Variants in ARHGAP8 observed in about 807,000 individuals in gnomAD.
The protein encoded by ARHGAP8 is Rho GTPase activating protein 8.
Under a neutral mutation model 46.1 loss-of-function variants are expected in ARHGAP8, and 62 were observed. That is an observed-to-expected ratio of 1.34 (90% CI 1.10 to 1.66). ARHGAP8 has a LOEUF of 1.66. Among genes scored for constraint, ARHGAP8 ranks in the 40% most tolerant of loss-of-function variants. The pLI is 0.00. For missense variants in ARHGAP8, 923 were observed against 568.4 expected (o/e 1.62, Z -6.34); for synonymous variants, 375 against 243.1 (o/e 1.54, Z -5.05).
At chr22:44,860,279 AG>A (rs1178138136) in intron 11 of ARHGAP8, among the ~76,000 whole-genome samples, 4 of 152,222 alleles carry the variant, frequency 2.6e-5, no homozygotes, top group Non-Finnish European at 1.5e-5. Flanking sequence ...GCCTTAAAAC[AG>A]ATTTACTGTG....
chr22:44,795,761 GTC>G (rs1928038458), intron 2 of ARHGAP8, among the ~76,000 whole-genome samples: 1 of 152,138 alleles, frequency 6.6e-6, no homozygotes, highest in Non-Finnish European at 1.5e-5. Flanking sequence ...TGGACACCAG[GTC>G]TGAGCCATGT....
intron 10 of ARHGAP8, among the ~76,000 whole-genome samples, chr22:44,854,708 A>T (rs943163167): frequency 6.6e-6 from 1 of 152,106 alleles, no homozygotes; most frequent in Non-Finnish European, 1.5e-5. Context: ...GCACCATCTC[A>T]GCTCACTGCA....
At chr22:44,852,992 C>T (rs978861137) in intron 10 of ARHGAP8, among the ~76,000 whole-genome samples, 4 of 152,100 alleles carry the variant, frequency 2.6e-5, no homozygotes, top group African/African-American at 7.2e-5. Context: ...TTAGTAGAGA[C>T]AGCATTTCAC....
intron 7 of ARHGAP8, among the ~76,000 whole-genome samples, chr22:44,834,187 TC>T (rs1219140962): frequency 6.6e-6 from 1 of 152,112 alleles, no homozygotes; most frequent in Non-Finnish European, 1.5e-5. Context: ...TCTGCCTGTG[TC>T]AGATTTAGTT....
Position 44,808,374 on chromosome 22 carries a change from C to A in ARHGAP8, c.235C>A (p.Leu79Met). The A allele has an allele frequency of 6.2e-7, 1 of 1,614,246 alleles. No homozygotes were observed. Among genetic ancestry groups the A allele is most frequent in the Non-Finnish European group, 8.5e-7 (1 of 1,180,052 alleles). Residue 79 changes from leucine to methionine, a missense_variant, in exon 4 of 12, where the codon CTG (leucine) becomes ATG (methionine). By Grantham distance (15) the Leu-to-Met change is conservative. Coordinates refer to ENST00000356099, the MANE Select transcript of ARHGAP8 (RefSeq NM_181335.3). Reference sequence around the variant, plus strand: ...TACCATCGTCTATTTCCACTACGGGCTGAACAGCCGGAACAAGCCTTCCCT... The same window carrying A: ...TACCATCGTCTATTTCCACTACGGGATGAACAGCCGGAACAAGCCTTCCCT... ...DYTIVYFHYGLNSRNKPSLGW... is the reference protein window; with the variant it reads ...DYTIVYFHYGMNSRNKPSLGW...
At chr22:44,808,697 C>T in intron 4 of ARHGAP8, 1 of 645,988 alleles carries the variant, frequency 1.5e-6, no homozygotes, top group Non-Finnish European at 2.7e-6. Context: ...GCCACCATGG[C>T]TCACACCTGT....
At chr22:44,762,956 C>T (rs141842182) in intron 1 of ARHGAP8, among the ~76,000 whole-genome samples, 6 of 152,258 alleles carry the variant, frequency 3.9e-5, no homozygotes, top group Non-Finnish European at 5.9e-5. Context: ...CATGAGATTA[C>T]AAGTTGGAGC....
At chr22:44,805,358 CAG>C (rs796203059) in intron 3 of ARHGAP8, among the ~76,000 whole-genome samples, 14 of 152,282 alleles carry the variant, frequency 9.2e-5, no homozygotes, top group African/African-American at 3.1e-4. Context: ...GGGGTGATAA[CAG>C]TGTTTCAGAG....
At chr22:44,806,641 C>T (rs1033000987) in intron 3 of ARHGAP8, among the ~76,000 whole-genome samples, 2 of 152,044 alleles carry the variant, frequency 1.3e-5, no homozygotes, top group African/African-American at 4.8e-5. Context: ...TGTCAGAGGG[C>T]ACTCTGACAT....
At chr22:44,845,415 A>G (rs2069930010) in intron 8 of ARHGAP8, 73 bp downstream of exon 8, 2 of 1,601,048 alleles carry the variant, frequency 1.2e-6, no homozygotes, top group Admixed American at 1.7e-5. Flanking sequence ...TTTGTCTTGG[A>G]TCCTGAGCAC....
chr22:44,822,477 C>T lies in ARHGAP8; in HGVS notation c.485+8C>T, dbSNP rs546767187. The T allele has an allele frequency of 2.6e-6, 4 of 1,534,756 alleles. No homozygotes were observed. Among genetic ancestry groups the T allele is most frequent in the South Asian group, 2.6e-5 (2 of 77,064 alleles). ...CCCTCCCGAAGTTTTGCGGTAAGTG[C>T]CTGTTAGACCCCAGAAGCCGCATCA... On this transcript the variant is annotated splice_region_variant and intron_variant, in intron 6 of 11. Transcript: ENST00000356099.
At chr22:44,805,790 C>T (rs573983420) in intron 3 of ARHGAP8, among the ~76,000 whole-genome samples, 129 of 152,246 alleles carry the variant, frequency 8.5e-4, no homozygotes, top group Non-Finnish European at 1.5e-3. Flanking sequence ...ATTAACACCC[C>T]GTACATTATC....
At chr22:44,832,016 G>A (rs1355010787) in intron 7 of ARHGAP8, among the ~76,000 whole-genome samples, 1 of 151,896 alleles carries the variant, frequency 6.6e-6, no homozygotes, top group East Asian at 1.9e-4. Context: ...ATTTCAATAG[G>A]GCTTGTCCTG....
intron 1 of ARHGAP8, among the ~76,000 whole-genome samples, chr22:44,768,894 G>T (rs1925799428): frequency 6.6e-6 from 1 of 151,316 alleles, no homozygotes; most frequent in Non-Finnish European, 1.5e-5. Context: ...GAGTGCAATG[G>T]CGCGATCTCG....
intron 7 of ARHGAP8, among the ~76,000 whole-genome samples, chr22:44,843,904 G>A (rs1234623125): frequency 6.6e-6 from 1 of 150,904 alleles, no homozygotes; most frequent in Non-Finnish European, 1.5e-5. Context: ...GAAATAGACT[G>A]TATTACATTA....
intron 10 of ARHGAP8, among the ~76,000 whole-genome samples, chr22:44,851,243 G>A (rs1045485059): frequency 3.3e-5 from 5 of 152,104 alleles, no homozygotes; most frequent in Non-Finnish European, 5.9e-5. Flanking sequence ...GCAACCCTCT[G>A]TTGGGAAGGA....
chr22:44,821,456 C>T (rs1033203546), intron 5 of ARHGAP8, among the ~76,000 whole-genome samples: 2 of 151,684 alleles, frequency 1.3e-5, no homozygotes, highest in Non-Finnish European at 2.9e-5. Context: ...ATATCTTAAA[C>T]ATATACAATA....
chr22:44,837,548 G>A (rs1173391905), intron 7 of ARHGAP8, among the ~76,000 whole-genome samples: 1 of 152,138 alleles, frequency 6.6e-6, no homozygotes, highest in African/African-American at 2.4e-5. Context: ...AGATGAACGT[G>A]GTGTGATACG....
intron 11 of ARHGAP8, among the ~76,000 whole-genome samples, chr22:44,860,604 T>TG (rs2070428749): frequency 6.7e-6 from 1 of 150,024 alleles, no homozygotes; most frequent in Non-Finnish European, 1.5e-5. Flanking sequence ...AGATTCTCTG[T>TG]GGTCTATCTT....
Sources: allele counts gnomAD v4.1 joint callset (sites outside exome capture counted in the v4.1 genomes callset), GRCh38; gene constraint gnomAD v4.1.1; transcripts MANE v1.5; gene names NCBI Gene and HGNC (gene_info 2026-07-23, HGNC 2026-07-21).